MLLT10: variants seen among roughly 807,000 people sequenced by gnomAD.
The protein encoded by MLLT10 is protein AF-10.
Under a neutral mutation model 129.1 loss-of-function variants are expected in MLLT10, and 30 were observed. The observed-to-expected ratio is 0.23, with a 90% confidence interval of 0.17 to 0.32. MLLT10 has a LOEUF of 0.32. Among genes scored for constraint, MLLT10 ranks in the 10% least tolerant of loss-of-function variants. MLLT10 has a pLI of 1.00. For synonymous variants in MLLT10, 490 were observed against 446.4 expected (o/e 1.10, Z -1.23); for missense variants, 1,119 against 1,268.3 (o/e 0.88, Z 1.79).
Position 21,576,981 on chromosome 10 carries a change from C to T in MLLT10, c.241-9313C>T, listed in dbSNP as rs373031944. 1.1e-4 allele frequency among the ~76,000 whole-genome samples: 17 copies of T among 152,164 alleles called. No homozygotes were observed. In the East Asian group the frequency reaches 1.3e-3, roughly 12 times the overall value. On this transcript the variant is annotated intron_variant, in intron 3 of 22. Transcript: ENST00000307729. ...TACATCACTACAATCAATTTTAGAA[C>T]ACTTGTATCCCCTCAAGAAGAAGCC...
chr10:21,631,262 C>T (rs1382667776), intron 8 of MLLT10, among the ~76,000 whole-genome samples: 5 of 140,576 alleles, frequency 3.6e-5, no homozygotes, highest in South Asian at 2.2e-4. Flanking sequence ...TGTAGTGAGC[C>T]GAGATGGTGC....
chr10:21,694,562 A>T (rs1172016680), intron 13 of MLLT10, among the ~76,000 whole-genome samples: 1 of 152,126 alleles, frequency 6.6e-6, no homozygotes, highest in African/African-American at 2.4e-5. Context: ...CCTGTGGGCT[A>T]TAATTTATTA....
At position 21,607,576 on chromosome 10, in the gene MLLT10, C is replaced by T. The variant is rs184428830; in HGVS notation, c.406-4772C>T. 3.7e-3 allele frequency among the ~76,000 whole-genome samples: 565 copies of T among 152,288 alleles called. 1 individual carries two copies. Among genetic ancestry groups the T allele is most frequent in the South Asian group, 7.7e-3 (37 of 4,826 alleles). ...CCCCAGGTGATCCGCCCACCTTGTC[C>T]TCCCAAAATGCTGGGATTACAGGCG... On this transcript the variant is annotated intron_variant, in intron 5 of 22. Coordinates refer to ENST00000307729, the MANE Select transcript of MLLT10 (RefSeq NM_001195626.3).
intron 8 of MLLT10, chr10:21,625,562 T>C: frequency 1.3e-6 from 1 of 771,470 alleles, no homozygotes; most frequent in Non-Finnish European, 2.4e-6. Flanking sequence ...ATCCTCACAT[T>C]TAAGGAAGCA....
intron 12 of MLLT10, 117 bp from the exon 13 acceptor site, chr10:21,682,106 CAA>C (rs1385237084): frequency 1.4e-5 from 10 of 689,756 alleles, no homozygotes; most frequent in Non-Finnish European, 2.3e-5. Context: ...ATGATTCAAA[CAA>C]TGATATATGA....
intron 3 of MLLT10, chr10:21,557,122 T>G (rs1186614983): frequency 1.4e-6 from 2 of 1,390,312 alleles, no homozygotes; most frequent in African/African-American, 2.9e-5. Flanking sequence ...TTTTGCCCTT[T>G]TGTCTTTTCC....
chr10:21,736,953 A>G (rs2058421072), intron 21 of MLLT10, among the ~76,000 whole-genome samples: 1 of 152,204 alleles, frequency 6.6e-6, no homozygotes, highest in Non-Finnish European at 1.5e-5. Flanking sequence ...GGCTATTGAG[A>G]AACTGTGGCC....
rs946029315 is a variant in MLLT10, at chr10:21,675,239, G to T, written c.1621+1320G>T. On this transcript the variant is annotated intron_variant, in intron 11 of 22. Coordinates refer to ENST00000307729, the MANE Select transcript of MLLT10 (RefSeq NM_001195626.3). ...TGAGTGGAATCTCTAGATGCATTAA[G>T]GATGGTTCTAGAGCAGGATTTATCA... 1.3e-3 allele frequency among the ~76,000 whole-genome samples: 198 copies of T among 152,298 alleles called. 1 individual carries two copies. The highest frequency in any genetic ancestry group is 4.5e-3 in the African/African-American group (186 of 41,558).
chr10:21,573,622 A>G (rs1451357412), intron 3 of MLLT10, among the ~76,000 whole-genome samples: 3 of 151,182 alleles, frequency 2.0e-5, no homozygotes, highest in Non-Finnish European at 2.9e-5. Flanking sequence ...TGATGGGTAC[A>G]GTGGCACAAT....
chr10:21,584,979 G>A (rs1463983226), intron 3 of MLLT10, among the ~76,000 whole-genome samples: 1 of 151,648 alleles, frequency 6.6e-6, no homozygotes, highest in African/African-American at 2.4e-5. Context: ...GTGCAGTGGC[G>A]CAATCGTGGC....
intron 13 of MLLT10, among the ~76,000 whole-genome samples, chr10:21,709,357 G>C (rs182070616): frequency 2.6e-5 from 4 of 151,856 alleles, no homozygotes; most frequent in Admixed American, 6.6e-5. Context: ...TCAGCCTCTC[G>C]AGTAACTGGG....
rs138935565 is a variant in MLLT10, at chr10:21,659,830, C to T, written c.795+8062C>T. Reference sequence around the variant, plus strand: ...GGCCTTAGTCTTGCTCTTTTTGTTCCTCTTCTTCAGTCCATCCATGTTAGA... The same window carrying T: ...GGCCTTAGTCTTGCTCTTTTTGTTCTTCTTCTTCAGTCCATCCATGTTAGA... On this transcript the variant is annotated intron_variant, in intron 9 of 22. Coordinates refer to ENST00000307729, the MANE Select transcript of MLLT10 (RefSeq NM_001195626.3). 2.9e-3 allele frequency among the ~76,000 whole-genome samples: 442 copies of T among 152,038 alleles called. 2 individuals carry two copies. The highest frequency in any genetic ancestry group is 0.01 in the African/African-American group (426 of 41,500).
chr10:21,614,814 T>G lies in MLLT10; in HGVS notation c.510-17T>G, dbSNP rs978161588. ...GATTTTAGTATATCAATAAATATAC[T>G]TGGCTTTTATTTTCAGCGCTCAGTT... On this transcript the variant is annotated splice_polypyrimidine_tract_variant and intron_variant, in intron 6 of 22. Coordinates refer to ENST00000307729, the MANE Select transcript of MLLT10 (RefSeq NM_001195626.3). 1 of 1,602,610 alleles carries G rather than the reference T, an allele frequency of 6.2e-7. No individual in the cohort carries two copies. The highest frequency in any genetic ancestry group is 1.3e-5 in the African/African-American group (1 of 74,394).
intron 3 of MLLT10, among the ~76,000 whole-genome samples, chr10:21,566,628 T>G (rs776101288): frequency 6.6e-6 from 1 of 151,952 alleles, no homozygotes. Flanking sequence ...ATGCCTTGTT[T>G]TAGTTTTTGT....
intron 8 of MLLT10, among the ~76,000 whole-genome samples, chr10:21,636,967 T>TA (rs1197181864): frequency 1.3e-5 from 2 of 152,244 alleles, no homozygotes; most frequent in Non-Finnish European, 2.9e-5. Flanking sequence ...AAGCCATCAT[T>TA]ACTTTTTTCT....
Position 21,614,898 on chromosome 10 carries a change from T to C in MLLT10, c.577T>C (p.Tyr193His), listed in dbSNP as rs2045074501. ...NGADNVQYCG[Y>H]CKYHFSKLKK... ...TGCCGATAATGTCCAATACTGTGGC[T>C]ACTGTAAATACCATTTTAGTAAGCT... The change falls in exon 7 of 23, where the codon TAC becomes CAC. Residue 193 changes from tyrosine (Y) to histidine (H), a missense_variant. Around this residue, in one of 5 missense-constraint regions of MLLT10, gnomAD observed 44 missense variants for 114.3 expected, o/e 0.38. Transcript: ENST00000307729. 1 of 1,611,066 alleles carries C rather than the reference T, an allele frequency of 6.2e-7. No individual in the cohort carries two copies. Among genetic ancestry groups the C allele is most frequent in the African/African-American group, 1.3e-5 (1 of 74,800 alleles).
intron 3 of MLLT10, among the ~76,000 whole-genome samples, chr10:21,571,592 TTTA>T (rs1045932826): frequency 1.9e-4 from 29 of 152,360 alleles, no homozygotes; most frequent in African/African-American, 6.5e-4. Flanking sequence ...TTATTAGGTT[TTTA>T]TTATTTCGTG....
At chr10:21,735,626 G>A (rs948174446) in intron 21 of MLLT10, among the ~76,000 whole-genome samples, 1 of 152,192 alleles carries the variant, frequency 6.6e-6, no homozygotes, top group African/African-American at 2.4e-5. Flanking sequence ...TAGATAGGAT[G>A]GCCCCGCCTC....
At chr10:21,700,903 G>C (rs574392845) in intron 13 of MLLT10, among the ~76,000 whole-genome samples, 1 of 152,128 alleles carries the variant, frequency 6.6e-6, no homozygotes, top group Non-Finnish European at 1.5e-5. Flanking sequence ...AAGAGGATTG[G>C]TATTAGTTCC....
Sources: gnomAD v4.1 joint callset for allele counts (sites outside exome capture counted in the v4.1 genomes callset) on GRCh38, gnomAD v4.1.1 for gene constraint, gnomAD v4.1.1 regional missense constraint, MANE v1.5 for transcripts, NCBI Gene and HGNC (gene_info 2026-07-23, HGNC 2026-07-21) for gene names.